The following UBE2V1 variants were observed in gnomAD, a reference collection of about 807,000 sequenced individuals.
The protein encoded by UBE2V1 is ubiquitin conjugating enzyme E2 V1.
In UBE2V1, 15 loss-of-function variants were observed where a neutral mutation model predicts 19.6. That is an observed-to-expected ratio of 0.77 (90% CI 0.51 to 1.18). The LOEUF (loss-of-function observed/expected upper bound fraction) is 1.18. Ranked by LOEUF, UBE2V1 falls within the 50% of genes most tolerant of loss-of-function variation. UBE2V1 has a pLI of 0.00. For missense variants in UBE2V1, 125 were observed against 184.8 expected (o/e 0.68, Z 1.88); for synonymous variants, 60 against 60.7 (o/e 0.99, Z 0.05).
At chr20:50,114,969 G>A (rs2080965778), upstream of UBE2V1, 1 of 152,316 alleles carries the variant, frequency 6.6e-6, no homozygotes, top group Non-Finnish European at 1.5e-5. Flanking sequence ...GGGAGGCTGA[G>A]GCAGGAAAAT....
At chr20:50,101,221 T>C (rs1373847695) in intron 1 of UBE2V1, among the ~76,000 whole-genome samples, 1 of 152,182 alleles carries the variant, frequency 6.6e-6, no homozygotes. Flanking sequence ...AGAAACAGTT[T>C]AATAAATGAA....
At position 50,084,267 on chromosome 20, in the gene UBE2V1, A is replaced by G. The variant is rs2078778534; in HGVS notation, c.172-13T>C. 1 of 1,609,618 alleles carries G rather than the reference A, an allele frequency of 6.2e-7. No individual in the cohort carries two copies. Among genetic ancestry groups the G allele is most frequent in the Non-Finnish European group, 8.5e-7 (1 of 1,176,528 alleles). On this transcript the variant is annotated splice_polypyrimidine_tract_variant and intron_variant, in intron 2 of 3. Transcript: ENST00000371674. The stretch of plus-strand genomic sequence containing the variant: ...TTTCATAAATTGTCTGGAAAAAAAG[A>G]GTACGGAGATGTCACGCAATTACAA...
chr20:50,113,032 G>T, intron 1 of UBE2V1, 75 bp downstream of exon 1: 1 of 617,936 alleles, frequency 1.6e-6, no homozygotes, highest in Non-Finnish European at 2.4e-6. Flanking sequence ...TCCGCTGCAG[G>T]AGGCTTTGAG....
At chr20:50,085,151 A>G (rs942588378) in intron 2 of UBE2V1, among the ~76,000 whole-genome samples, 2 of 151,954 alleles carry the variant, frequency 1.3e-5, no homozygotes, top group African/African-American at 4.8e-5. Context: ...CGGCCTCCCA[A>G]AGTGCTGGGA....
chr20:50,110,433 T>C (rs1370108514), intron 1 of UBE2V1, among the ~76,000 whole-genome samples: 1 of 152,230 alleles, frequency 6.6e-6, no homozygotes, highest in Non-Finnish European at 1.5e-5. Flanking sequence ...CACAGCTGTT[T>C]CCTGGCAACC....
intron 1 of UBE2V1, among the ~76,000 whole-genome samples, chr20:50,107,740 C>A (rs1442608055): frequency 6.6e-6 from 1 of 152,134 alleles, no homozygotes; most frequent in Non-Finnish European, 1.5e-5. Context: ...TTACTGAGTA[C>A]CTACTATTTT....
chr20:50,105,590 T>C (rs1016344724), intron 1 of UBE2V1, among the ~76,000 whole-genome samples: 2 of 152,210 alleles, frequency 1.3e-5, no homozygotes, highest in Non-Finnish European at 2.9e-5. Flanking sequence ...TATTTCTGTG[T>C]GAATCTGACA....
In UBE2V1 at chr20:50,096,846, G is replaced by C. The variant is rs141030447; in HGVS notation, c.23-26C>G. 853 of 1,613,264 alleles carry C rather than the reference G, an allele frequency of 5.3e-4. 3 individuals carry two copies. In the African/African-American group the frequency reaches 9.0e-3, roughly 17 times the overall value. On this transcript the variant is annotated intron_variant, in intron 1 of 3. Transcript: ENST00000371674. ...CTAAAATAAATGGAAAGAAATTCAA[G>C]ATACCAGCAACTCCAGGGGAACTTG...
chr20:50,107,953 C>T (rs986056198), intron 1 of UBE2V1, among the ~76,000 whole-genome samples: 4 of 152,144 alleles, frequency 2.6e-5, no homozygotes, highest in South Asian at 2.1e-4. Flanking sequence ...TGGGTAGCTG[C>T]GACCTGAAGA....
chr20:50,105,946 C>CA (rs1346412088), intron 1 of UBE2V1, among the ~76,000 whole-genome samples: 1 of 151,324 alleles, frequency 6.6e-6, no homozygotes. Context: ...AACAAAAAAA[C>CA]AAAAAAACAA....
At chr20:50,109,130 G>C (rs2080578195) in intron 1 of UBE2V1, 1 of 985,264 alleles carries the variant, frequency 1.0e-6, no homozygotes, top group African/African-American at 1.7e-5. Flanking sequence ...AGTTAGATGA[G>C]ACAACATCAC....
chr20:50,113,095 G>A lies in UBE2V1; in HGVS notation c.22+12C>T. On this transcript the variant is annotated intron_variant, in intron 1 of 3. Transcript: ENST00000371674. ...GCCCCCTCGGCCGGCCGGGCCCGGC[G>A]CCCCCGCTCACCCGAGCCCGTGGTG... 6 of 1,277,546 alleles carry A rather than the reference G, an allele frequency of 4.7e-6. No individual in the cohort carries two copies. The highest frequency in any genetic ancestry group is 3.3e-5 in the Admixed American group (1 of 30,576). 79.1% of individuals were successfully genotyped at this position (1,277,546 alleles called of 1,614,324 possible). A position where few individuals can be genotyped will look rare whatever the true frequency, so the allele number is the denominator to read the frequency against.
chr20:50,081,250 A>G lies in UBE2V1; in HGVS notation c.*1518T>C, dbSNP rs1327157604. On this transcript the variant is annotated 3_prime_UTR_variant, in exon 4 of 4. Coordinates refer to ENST00000371674, the MANE Select transcript of UBE2V1 (RefSeq NM_001032288.3). ...ACAGGATGTTAAATCCTTAGAACTA[A>G]GGTTTTCCCCCCAGAAAAAGATTAA... 6.6e-6 allele frequency: 1 copy of G among 152,344 alleles called. No individual in the cohort carries two copies. The highest frequency in any genetic ancestry group is 2.4e-5 in the African/African-American group (1 of 41,386). The allele number at this position is 152,344 out of a possible 1,614,324, so 9.4% of individuals were successfully genotyped here. A position where few individuals can be genotyped will look rare whatever the true frequency, so the allele number is the denominator to read the frequency against.
intron 1 of UBE2V1, among the ~76,000 whole-genome samples, chr20:50,105,384 T>C (rs1391583188): frequency 1.3e-5 from 2 of 152,258 alleles, no homozygotes; most frequent in Non-Finnish European, 2.9e-5. Flanking sequence ...AAGCTCATCC[T>C]ATCCTAAATA....
chr20:50,103,873 C>T (rs1190414145), intron 1 of UBE2V1, among the ~76,000 whole-genome samples: 1 of 150,788 alleles, frequency 6.6e-6, no homozygotes, highest in Non-Finnish European at 1.5e-5. Flanking sequence ...GTCTGACTCA[C>T]TCTCTAAGTT....
intron 2 of UBE2V1, among the ~76,000 whole-genome samples, chr20:50,084,978 C>T (rs188938113): frequency 6.9e-6 from 1 of 144,556 alleles, no homozygotes; most frequent in Non-Finnish European, 1.5e-5. Context: ...CTCACCGCAA[C>T]CTCCGCCTCC....
At chr20:50,109,971 A>G (rs148621777) in intron 1 of UBE2V1, among the ~76,000 whole-genome samples, 3,944 of 152,308 alleles carry the variant, frequency 0.026, 76 homozygotes, top group Middle Eastern at 0.054. Flanking sequence ...GTTTTCATCC[A>G]TTTCCAGCTC....
intron 2 of UBE2V1, among the ~76,000 whole-genome samples, chr20:50,086,540 G>T (rs1465915309): frequency 6.6e-6 from 1 of 152,022 alleles, no homozygotes; most frequent in Admixed American, 6.6e-5. Context: ...GAATATAACA[G>T]ATCCATCCTC....
intron 1 of UBE2V1, among the ~76,000 whole-genome samples, chr20:50,103,685 C>A (rs1485413333): frequency 6.6e-6 from 1 of 152,236 alleles, no homozygotes; most frequent in East Asian, 1.9e-4. Context: ...GGATTACAGG[C>A]ATCAGCCATT....
Sources: gnomAD v4.1 joint callset for allele counts (sites outside exome capture counted in the v4.1 genomes callset) on GRCh38, gnomAD v4.1.1 for gene constraint, MANE v1.5 for transcripts, NCBI Gene and HGNC (gene_info 2026-07-23, HGNC 2026-07-21) for gene names.